SPATA45: variants seen among roughly 807,000 people sequenced by gnomAD.
SPATA45 encodes the protein spermatogenesis associated 45, also known as spermatogenesis-associated protein 45.
SPATA45 carries 5 observed loss-of-function variants against 7.0 expected under a neutral mutation model. The ratio of observed to expected loss-of-function variants is 0.71; its 90% CI spans 0.37 to 1.50. The LOEUF (loss-of-function observed/expected upper bound fraction) is 1.50. Among genes scored for constraint, SPATA45 ranks in the 40% most tolerant of loss-of-function variants. SPATA45 has a pLI of 0.03. For missense variants in SPATA45, 111 were observed against 114.9 expected (o/e 0.97, Z 0.16); for synonymous variants, 40 against 38.7 (o/e 1.03, Z -0.13).
At chr1:212,845,413 C>G (rs1234053999) in intron 1 of SPATA45, among the ~76,000 whole-genome samples, 1 of 152,074 alleles carries the variant, frequency 6.6e-6, no homozygotes, top group Non-Finnish European at 1.5e-5. Flanking sequence ...AGGCCTTTCC[C>G]TCAGGGTCTG....
At chr1:212,836,946 C>T (rs552355650) in intron 1 of SPATA45, among the ~76,000 whole-genome samples, 10 of 151,116 alleles carry the variant, frequency 6.6e-5, no homozygotes, top group East Asian at 2.0e-4. Flanking sequence ...CATGAGCCAC[C>T]GTACCCGGCC....
chr1:212,835,961 G>T lies in SPATA45; in HGVS notation c.189C>A (p.Thr63=). 6.2e-7 allele frequency: 1 copy of T among 1,610,354 alleles called. No individual in the cohort carries two copies. The highest frequency in any genetic ancestry group is 8.5e-7 in the Non-Finnish European group (1 of 1,176,966). ...DAYQSFTDTT[T]KEPVPNSGRS... ...TGCCACTGTTGGGAACAGGCTCTTT[G>T]GTTGTGGTATCAGTAAAGGACTGAT... The change falls in exon 2 of 3, where the codon ACC becomes ACA. Residue 63 remains threonine, a synonymous_variant. Coordinates refer to ENST00000332912, the MANE Select transcript of SPATA45 (RefSeq NM_001024601.3).
intron 2 of SPATA45, among the ~76,000 whole-genome samples, chr1:212,835,599 G>C (rs1295383206): frequency 6.6e-6 from 1 of 150,718 alleles, no homozygotes; most frequent in East Asian, 2.0e-4. Context: ...TTAGGAGGCC[G>C]AGGTGGGTGG....
In SPATA45 at chr1:212,832,812, T is replaced by A. The variant is rs1055286206; in HGVS notation, c.278-2551A>T. Among the ~76,000 whole-genome samples, 5 of 151,592 alleles carry A rather than the reference T, an allele frequency of 3.3e-5. 1 individual carries two copies. Among genetic ancestry groups the A allele is most frequent in the Non-Finnish European group, 7.4e-5 (5 of 67,746 alleles). The stretch of plus-strand genomic sequence containing the variant: ...AGCCATTGCCCAAGGACATAGCTAT[T>A]GGTCTCGAGAGGAATGAGGTAAGTT... On this transcript the variant is annotated intron_variant, in intron 2 of 2. Transcript: ENST00000332912.
Position 212,830,977 on chromosome 1 carries a change from A to G in SPATA45, c.278-716T>C, listed in dbSNP as rs1663475975. Among the ~76,000 whole-genome samples the G allele has an allele frequency of 2.0e-5, 3 of 150,694 alleles. 1 individual carries two copies. The highest frequency in any genetic ancestry group is 2.0e-4 in the Admixed American group (3 of 15,086). The stretch of plus-strand genomic sequence containing the variant: ...CAGCCTGGTGACAGAGCAAGAAAAA[A>G]TCTCAAAAAAAATTAGCTGGGTGTG... On this transcript the variant is annotated intron_variant, in intron 2 of 2. Coordinates refer to ENST00000332912, the MANE Select transcript of SPATA45 (RefSeq NM_001024601.3).
At chr1:212,830,516 A>C (rs1445280340) in intron 2 of SPATA45, among the ~76,000 whole-genome samples, 1 of 149,160 alleles carries the variant, frequency 6.7e-6, no homozygotes, top group African/African-American at 2.5e-5. Flanking sequence ...CTAAAAAAAT[A>C]CAAAAATTAG....
rs946330704 is a variant in SPATA45, at chr1:212,834,770, C to T, written c.277+1103G>A. ...CCGGCCTCTCCACATTTTATTAGGG[C>T]TTTTTGTGTGATATTTGTCATCAAA... On this transcript the variant is annotated intron_variant, in intron 2 of 2. Transcript: ENST00000332912. 3.3e-5 allele frequency among the ~76,000 whole-genome samples: 5 copies of T among 151,486 alleles called. 1 individual carries two copies. The highest frequency in any genetic ancestry group is 1.9e-4 in the East Asian group (1 of 5,168).
chr1:212,836,208 A>T, intron 1 of SPATA45, 21 bp from the exon 2 acceptor site: 3 of 1,459,902 alleles, frequency 2.1e-6, no homozygotes, highest in Non-Finnish European at 2.8e-6. Flanking sequence ...ATGAAAAAAT[A>T]CTTTCAATTG....
At chr1:212,846,485 A>G (rs144898724) in intron 1 of SPATA45, among the ~76,000 whole-genome samples, 30 of 152,282 alleles carry the variant, frequency 2.0e-4, no homozygotes, top group Non-Finnish European at 3.2e-4. Flanking sequence ...AGACCTGAAA[A>G]TAGCCTTAAC....
At chr1:212,838,692 A>G (rs544680025) in intron 1 of SPATA45, among the ~76,000 whole-genome samples, 2 of 151,588 alleles carry the variant, frequency 1.3e-5, no homozygotes, top group East Asian at 3.9e-4. Context: ...TTGTTTTTAC[A>G]CAGCTTTATT....
chr1:212,843,375 A>G (rs1283448844), intron 1 of SPATA45, among the ~76,000 whole-genome samples: 1 of 152,208 alleles, frequency 6.6e-6, no homozygotes, highest in Admixed American at 6.5e-5. Flanking sequence ...TGAGCTAATA[A>G]ATACCAAGAG....
intron 1 of SPATA45, among the ~76,000 whole-genome samples, chr1:212,846,725 C>T (rs1200218510): frequency 1.3e-5 from 2 of 152,178 alleles, no homozygotes; most frequent in African/African-American, 4.8e-5. Flanking sequence ...GGACTCGGCC[C>T]GCCTGCACCC....
Position 212,835,206 on chromosome 1 carries a change from A to G in SPATA45, c.277+667T>C, listed in dbSNP as rs78143278. On this transcript the variant is annotated intron_variant, in intron 2 of 2. Coordinates refer to ENST00000332912, the MANE Select transcript of SPATA45 (RefSeq NM_001024601.3). ...TTCCTAATTTTTAGGAATACCTACA[A>G]ATCATTCCTATACATTGGTTAAGAA... is the stretch of plus-strand genomic sequence containing the variant. 3.9e-3 allele frequency among the ~76,000 whole-genome samples: 587 copies of G among 151,776 alleles called. 10 individuals carry two copies. The highest frequency in any genetic ancestry group is 0.014 in the African/African-American group (568 of 41,500).
chr1:212,846,575 A>C (rs1334517683), intron 1 of SPATA45, among the ~76,000 whole-genome samples: 2 of 152,124 alleles, frequency 1.3e-5, no homozygotes, highest in Non-Finnish European at 2.9e-5. Flanking sequence ...TTAAGAAGGT[A>C]CTTTGTAATA....
intron 2 of SPATA45, among the ~76,000 whole-genome samples, chr1:212,831,016 G>C (rs935507578): frequency 7.9e-5 from 12 of 151,320 alleles, no homozygotes; most frequent in Admixed American, 7.9e-4. Flanking sequence ...GTGCACACCT[G>C]TAATCCCAGC....
At chr1:212,845,473 G>T (rs1338180515) in intron 1 of SPATA45, among the ~76,000 whole-genome samples, 1 of 152,136 alleles carries the variant, frequency 6.6e-6, no homozygotes, top group Non-Finnish European at 1.5e-5. Flanking sequence ...TAATTCCTCA[G>T]TTTGGCCTTC....
intron 1 of SPATA45, among the ~76,000 whole-genome samples, chr1:212,843,138 C>CA (rs1663723136): frequency 7.0e-6 from 1 of 143,052 alleles, no homozygotes; most frequent in Non-Finnish European, 1.5e-5. Flanking sequence ...CACACACACA[C>CA]ACTTAGCTGG....
At chr1:212,837,794 T>G (rs1254668827) in intron 1 of SPATA45, among the ~76,000 whole-genome samples, 2 of 151,628 alleles carry the variant, frequency 1.3e-5, no homozygotes, top group Admixed American at 1.3e-4. Context: ...AGAGCAAGAT[T>G]TGGAAAGATA....
Position 212,847,642 on chromosome 1 carries a change from C to G in SPATA45, c.-101G>C, listed in dbSNP as rs1663823094. 1 of 152,104 alleles carries G rather than the reference C, an allele frequency of 6.6e-6. No individual in the cohort carries two copies. Among genetic ancestry groups the G allele is most frequent in the Non-Finnish European group, 1.5e-5 (1 of 68,040 alleles). 9.4% of individuals were successfully genotyped at this position (152,104 alleles called of 1,614,324 possible). On this transcript the variant is annotated 5_prime_UTR_variant, in exon 1 of 3. Coordinates refer to ENST00000332912, the MANE Select transcript of SPATA45 (RefSeq NM_001024601.3). ...TCAAGTCCACTGGTGTGGATTAGCC[C>G]ACTGGGATGACACCTTGGTGATGGA...
Sources: gnomAD v4.1 joint callset for allele counts (sites outside exome capture counted in the v4.1 genomes callset) on GRCh38, gnomAD v4.1.1 for gene constraint, MANE v1.5 for transcripts, NCBI Gene and HGNC (gene_info 2026-07-23, HGNC 2026-07-21) for gene names.